The following AKT3 variants were observed in gnomAD, a reference collection of about 807,000 sequenced individuals.
The protein encoded by AKT3 is AKT serine/threonine kinase 3, also known as RAC-gamma serine/threonine-protein kinase.
In AKT3, 15 loss-of-function variants were observed where a neutral mutation model predicts 65.3. The observed-to-expected ratio is 0.23, with a 90% confidence interval of 0.15 to 0.35. The LOEUF (loss-of-function observed/expected upper bound fraction) is 0.35. Among genes scored for constraint, AKT3 ranks in the 10% least tolerant of loss-of-function variants. The pLI is 1.00. For missense variants in AKT3, 243 were observed against 576.5 expected, an observed-to-expected ratio of 0.42 and a Z score of 5.92; for synonymous variants, 206 against 183.8, an observed-to-expected ratio of 1.12 and a Z score of -0.98.
At chr1:243,810,489 C>T (rs1217633862) in intron 2 of AKT3, among the ~76,000 whole-genome samples, 1 of 152,176 alleles carries the variant, frequency 6.6e-6, no homozygotes, top group African/African-American at 2.4e-5. Context: ...GAAGTTGAAT[C>T]TCTGAAAGGA....
At chr1:243,794,813 AAAG>A (rs1422996204) in intron 2 of AKT3, among the ~76,000 whole-genome samples, 3 of 152,222 alleles carry the variant, frequency 2.0e-5, no homozygotes, top group Non-Finnish European at 4.4e-5. Flanking sequence ...TCATTAATTA[AAAG>A]AATACCAGTT....
chr1:243,751,331 A>T (rs1332931354), intron 2 of AKT3, among the ~76,000 whole-genome samples: 1 of 152,262 alleles, frequency 6.6e-6, no homozygotes, highest in Non-Finnish European at 1.5e-5. Context: ...TATCCAAGGC[A>T]ATGATAAATG....
At chr1:243,793,447 C>T (rs548125188) in intron 2 of AKT3, 1 of 152,176 alleles carries the variant, frequency 6.6e-6, no homozygotes, top group East Asian at 1.9e-4. Flanking sequence ...AAAACAAATG[C>T]TCCCTCTTAC....
intron 13 of AKT3, among the ~76,000 whole-genome samples, chr1:243,511,527 G>A (rs1670014503): frequency 6.6e-6 from 1 of 152,148 alleles, no homozygotes; most frequent in South Asian, 2.1e-4. Context: ...GAATCAAAAA[G>A]AAAAGGAAAG....
chr1:243,602,979 T>C (rs1226648325), intron 8 of AKT3, among the ~76,000 whole-genome samples: 1 of 152,134 alleles, frequency 6.6e-6, no homozygotes, highest in Non-Finnish European at 1.5e-5. Context: ...TGGAAACAAG[T>C]CCTAAGTAGA....
chr1:243,669,698 A>C (rs1683038110), intron 3 of AKT3, among the ~76,000 whole-genome samples: 1 of 152,224 alleles, frequency 6.6e-6, no homozygotes, highest in Non-Finnish European at 1.5e-5. Flanking sequence ...AGCTACTCGA[A>C]GTGCTGTTAT....
At chr1:243,731,397 G>T (rs1393521202) in intron 2 of AKT3, among the ~76,000 whole-genome samples, 2 of 152,146 alleles carry the variant, frequency 1.3e-5, no homozygotes, top group Non-Finnish European at 2.9e-5. Context: ...GGCAAGAAGA[G>T]GTAATGGGCA....
intron 2 of AKT3, among the ~76,000 whole-genome samples, chr1:243,832,227 T>C (rs1028664465): frequency 6.7e-6 from 1 of 149,424 alleles, no homozygotes; most frequent in Non-Finnish European, 1.5e-5. Context: ...AAGAAAAAGC[T>C]ATCTTTCTAG....
chr1:243,705,517 T>C (rs1685742386), intron 2 of AKT3, among the ~76,000 whole-genome samples: 1 of 152,206 alleles, frequency 6.6e-6, no homozygotes, highest in African/African-American at 2.4e-5. Context: ...ATTACATTTT[T>C]AACCAAAGTG....
At chr1:243,669,630 A>G (rs1196497007) in intron 3 of AKT3, among the ~76,000 whole-genome samples, 1 of 152,164 alleles carries the variant, frequency 6.6e-6, no homozygotes, top group Non-Finnish European at 1.5e-5. Context: ...TCAACACTAT[A>G]CCTAAATGAA....
intron 2 of AKT3, among the ~76,000 whole-genome samples, chr1:243,720,261 G>A (rs1012557474): frequency 6.6e-6 from 1 of 151,918 alleles, no homozygotes; most frequent in Non-Finnish European, 1.5e-5. Flanking sequence ...CCGTGCCATT[G>A]CACTCCAGCC....
intron 1 of AKT3, among the ~76,000 whole-genome samples, chr1:243,847,417 A>T (rs1383456130): frequency 6.6e-6 from 1 of 152,196 alleles, no homozygotes; most frequent in Non-Finnish European, 1.5e-5. Flanking sequence ...ACTAAAAGAT[A>T]TAATAACAAA....
intron 10 of AKT3, among the ~76,000 whole-genome samples, chr1:243,553,461 C>T (rs1229772976): frequency 1.3e-5 from 2 of 152,116 alleles, no homozygotes; most frequent in Non-Finnish European, 2.9e-5. Flanking sequence ...GGCAAGACAA[C>T]CATTAAAATA....
intron 3 of AKT3, among the ~76,000 whole-genome samples, chr1:243,695,265 C>A (rs890822828): frequency 6.6e-6 from 1 of 151,900 alleles, no homozygotes; most frequent in Non-Finnish European, 1.5e-5. Flanking sequence ...ACCACAACAT[C>A]TTATAATCAT....
chr1:243,583,550 A>G (rs1388556089), intron 8 of AKT3, among the ~76,000 whole-genome samples: 1 of 45,834 alleles, frequency 2.2e-5, no homozygotes, highest in Non-Finnish European at 1.3e-4. Flanking sequence ...CAAAAAAAAA[A>G]AAAAAAGAAA....
At chr1:243,572,341 C>CA (rs930721472) in intron 9 of AKT3, among the ~76,000 whole-genome samples, 8 of 152,158 alleles carry the variant, frequency 5.3e-5, no homozygotes, top group African/African-American at 1.9e-4. Flanking sequence ...TATACACGAA[C>CA]AGCAAAGCCT....
intron 4 of AKT3, among the ~76,000 whole-genome samples, chr1:243,653,203 G>T (rs187097776): frequency 6.6e-6 from 1 of 152,298 alleles, no homozygotes; most frequent in East Asian, 1.9e-4. Context: ...TACCATCAGA[G>T]AATACTATAA....
At chr1:243,670,685 G>A (rs1683097585) in intron 3 of AKT3, among the ~76,000 whole-genome samples, 2 of 152,096 alleles carry the variant, frequency 1.3e-5, no homozygotes, top group South Asian at 4.1e-4. Flanking sequence ...AAAATGCCAG[G>A]TAGCTAACTC....
chr1:243,499,817 A>G lies in AKT3; in HGVS notation c.*5432T>C, dbSNP rs769698229. The stretch of plus-strand genomic sequence containing the variant: ...TGGAACAGAGTGAAATAAATGATTT[A>G]CAAAGAGATATTTACATTCATCTGG... On this transcript the variant is annotated 3_prime_UTR_variant, in exon 14 of 14. Transcript: ENST00000673466. 29 of 1,603,748 alleles carry G rather than the reference A, an allele frequency of 1.8e-5. No individual in the cohort carries two copies. The East Asian group carries it at 6.5e-4, about 36-fold the overall frequency.
Sources: allele counts gnomAD v4.1 joint callset (sites outside exome capture counted in the v4.1 genomes callset), GRCh38; gene constraint gnomAD v4.1.1; transcripts MANE v1.5; gene names NCBI Gene and HGNC (gene_info 2026-07-23, HGNC 2026-07-21).